ANKRD6: variants seen among roughly 807,000 people sequenced by gnomAD.
ANKRD6 encodes ankyrin repeat domain-containing protein 6.
A neutral mutation model predicts 82.3 loss-of-function variants in ANKRD6; 56 were observed. The observed-to-expected ratio is 0.68, with a 90% confidence interval of 0.55 to 0.85. ANKRD6 has a LOEUF of 0.85. ANKRD6 is among the 40% of genes least tolerant of loss of function. The probability of loss-of-function intolerance (pLI) is 0.00; values close to 1 mark genes in which losing one functional copy is unlikely to be tolerated. For missense variants in ANKRD6, 852 were observed against 907.6 expected (o/e 0.94, Z 0.79); for synonymous variants, 347 against 352.1 (o/e 0.99, Z 0.16).
intron 1 of ANKRD6, among the ~76,000 whole-genome samples, chr6:89,437,835 C>G (rs886237178): frequency 6.6e-6 from 1 of 152,164 alleles, no homozygotes; most frequent in East Asian, 1.9e-4. Flanking sequence ...TCGCTGTCAC[C>G]CAGGCTAGAG....
chr6:89,602,706 A>T, intron 3 of ANKRD6: 1 of 309,508 alleles, frequency 3.2e-6, no homozygotes, highest in South Asian at 5.3e-5. Flanking sequence ...CCCACTCTTC[A>T]CACCTGTGAT....
At chr6:89,622,050 C>G (rs200175400) in intron 10 of ANKRD6, 24 bp downstream of exon 10, 1 of 1,601,870 alleles carries the variant, frequency 6.2e-7, no homozygotes, top group East Asian at 2.2e-5. Context: ...CTCCCGCCGT[C>G]CCCACATCCA....
chr6:89,628,906 G>T, intron 14 of ANKRD6: 1 of 564,398 alleles, frequency 1.8e-6, no homozygotes, highest in Non-Finnish European at 3.1e-6. Flanking sequence ...CTCCAACACT[G>T]GGGATCAAAT....
intron 2 of ANKRD6, among the ~76,000 whole-genome samples, chr6:89,589,980 A>C (rs1318942237): frequency 6.6e-6 from 1 of 152,192 alleles, no homozygotes; most frequent in African/African-American, 2.4e-5. Context: ...GGGCCCCTTG[A>C]GGAAGCAGCA....
intron 4 of ANKRD6, among the ~76,000 whole-genome samples, chr6:89,604,957 C>T (rs149993420): frequency 4.6e-5 from 7 of 152,288 alleles, no homozygotes; most frequent in East Asian, 3.9e-4. Flanking sequence ...CTTCCTTCTC[C>T]GGGCTCTTCC....
intron 2 of ANKRD6, among the ~76,000 whole-genome samples, chr6:89,591,014 G>A (rs949799172): frequency 6.6e-6 from 1 of 152,196 alleles, no homozygotes; most frequent in East Asian, 1.9e-4. Flanking sequence ...GCTCACCAGG[G>A]CCTAGGTTGA....
intron 2 of ANKRD6, among the ~76,000 whole-genome samples, chr6:89,587,208 AG>A (rs1273817910): frequency 6.7e-6 from 1 of 148,210 alleles, no homozygotes; most frequent in African/African-American, 2.5e-5. Flanking sequence ...AAAAAAAAAA[AG>A]GCTGGGTGCA....
chr6:89,458,459 G>T (rs1489418565), intron 1 of ANKRD6, among the ~76,000 whole-genome samples: 4 of 152,226 alleles, frequency 2.6e-5, no homozygotes, highest in Non-Finnish European at 5.9e-5. Flanking sequence ...AACCTCAAAA[G>T]TAGGGAAGTT....
chr6:89,592,770 G>C (rs1489391471), intron 2 of ANKRD6, among the ~76,000 whole-genome samples: 1 of 152,082 alleles, frequency 6.6e-6, no homozygotes, highest in African/African-American at 2.4e-5. Flanking sequence ...CCCAAGCACA[G>C]CAGGAGGATC....
At chr6:89,455,082 G>T (rs1218923531) in intron 1 of ANKRD6, among the ~76,000 whole-genome samples, 1 of 151,580 alleles carries the variant, frequency 6.6e-6, no homozygotes, top group Non-Finnish European at 1.5e-5. Context: ...GATCTCAAGT[G>T]ATCTGCCCAC....
chr6:89,537,835 A>T (rs1402010907), intron 1 of ANKRD6, among the ~76,000 whole-genome samples: 2 of 149,302 alleles, frequency 1.3e-5, no homozygotes, highest in Non-Finnish European at 3.0e-5. Flanking sequence ...GGTAGAGGTT[A>T]CAAACGTGAG....
chr6:89,607,417 G>T (rs1413699879), intron 5 of ANKRD6, among the ~76,000 whole-genome samples: 1 of 152,074 alleles, frequency 6.6e-6, no homozygotes, highest in Non-Finnish European at 1.5e-5. Flanking sequence ...TCGTAGTTTT[G>T]AAAATAATGC....
intron 1 of ANKRD6, among the ~76,000 whole-genome samples, chr6:89,550,670 A>G (rs1382788261): frequency 6.6e-6 from 1 of 152,150 alleles, no homozygotes; most frequent in Non-Finnish European, 1.5e-5. Context: ...TTAAAGAATG[A>G]GTAGGCCAGG....
intron 1 of ANKRD6, among the ~76,000 whole-genome samples, chr6:89,517,490 T>G (rs78571182): frequency 0.035 from 5,352 of 152,316 alleles, 318 homozygotes; most frequent in African/African-American, 0.12. Context: ...TTGAAAGTTG[T>G]GCCCATTATT....
At chr6:89,455,955 C>T (rs959401362) in intron 1 of ANKRD6, among the ~76,000 whole-genome samples, 1 of 152,008 alleles carries the variant, frequency 6.6e-6, no homozygotes, top group African/African-American at 2.4e-5. Flanking sequence ...CTCACTGCAA[C>T]CTCCACCTCC....
At chr6:89,607,856 C>T (rs1583703363) in intron 5 of ANKRD6, among the ~76,000 whole-genome samples, 1 of 144,274 alleles carries the variant, frequency 6.9e-6, no homozygotes, top group Non-Finnish European at 1.5e-5. Flanking sequence ...CCATGTTGGC[C>T]AGGCTGGTCT....
intron 9 of ANKRD6, 40 bp from the exon 10 acceptor site, chr6:89,621,881 CG>C: frequency 6.3e-7 from 1 of 1,574,982 alleles, no homozygotes; most frequent in Non-Finnish European, 8.7e-7. Flanking sequence ...ACAGATGCTG[CG>C]CACACCAGTG....
chr6:89,579,524 A>G (rs1791971941), intron 2 of ANKRD6, among the ~76,000 whole-genome samples: 1 of 152,110 alleles, frequency 6.6e-6, no homozygotes, highest in South Asian at 2.1e-4. Context: ...TAATCCCAGC[A>G]CTTTGGGAGG....
rs557367207 is a variant in ANKRD6 at position 89,541,799 on chromosome 6, T to G, written c.-143-25035T>G. Among the ~76,000 whole-genome samples, 58 of 151,174 alleles carry G rather than the reference T, an allele frequency of 3.8e-4. No individual in the cohort carries two copies. The South Asian group carries it at 0.011, about 29-fold the overall frequency. ...TTCCTATATATAGTTTTCATAGAGA[T>G]ATATATATATAGTTTTATATATATC... is the stretch of plus-strand genomic sequence containing the variant. On this transcript the variant is annotated intron_variant, in intron 1 of 15. Transcript: ENST00000339746.
Sources: gnomAD v4.1 joint callset for allele counts (sites outside exome capture counted in the v4.1 genomes callset) on GRCh38, gnomAD v4.1.1 for gene constraint, MANE v1.5 for transcripts, NCBI Gene and HGNC (gene_info 2026-07-23, HGNC 2026-07-21) for gene names.